Variants in MSI2 observed in about 807,000 individuals in gnomAD.
MSI2 encodes RNA-binding protein Musashi homolog 2.
In MSI2, 17 loss-of-function variants were observed where a neutral mutation model predicts 45.6. The observed-to-expected ratio is 0.37, with a 90% CI of 0.26 to 0.56. The LOEUF is 0.56. Among genes scored for constraint, MSI2 ranks in the 20% least tolerant of loss-of-function variants. MSI2 has a pLI of 0.77. For missense variants in MSI2, 293 were observed against 444.2 expected, an observed-to-expected ratio of 0.66 and a Z score of 3.06; for synonymous variants, 156 against 158.2, an observed-to-expected ratio of 0.99 and a Z score of 0.11.
chr17:57,648,337 G>A (rs1419458993), intron 10 of MSI2, among the ~76,000 whole-genome samples: 1 of 152,158 alleles, frequency 6.6e-6, no homozygotes, highest in Non-Finnish European at 1.5e-5. Flanking sequence ...TCACTGCCAG[G>A]CATTCATCTA....
chr17:57,687,154 C>T (rs1913902357), downstream of MSI2, among the ~76,000 whole-genome samples: 4 of 151,068 alleles, frequency 2.6e-5, no homozygotes, highest in African/African-American at 9.8e-5. Context: ...AGAAAACACA[C>T]ATTATACCCA....
At chr17:57,273,010 C>G (rs1908511038) in intron 5 of MSI2, among the ~76,000 whole-genome samples, 1 of 152,150 alleles carries the variant, frequency 6.6e-6, no homozygotes, top group Non-Finnish European at 1.5e-5. Context: ...TTTCAACTTT[C>G]AGATATACTA....
At chr17:57,624,765 C>T (rs1280599590) in intron 9 of MSI2, among the ~76,000 whole-genome samples, 1 of 152,202 alleles carries the variant, frequency 6.6e-6, no homozygotes, top group African/African-American at 2.4e-5. Context: ...AAAGGAGCCA[C>T]AGCTGGTCTC....
chr17:57,507,781 C>CAAACAACAAGACAGAGGGTG (rs1264866230), intron 6 of MSI2, among the ~76,000 whole-genome samples: 1 of 152,108 alleles, frequency 6.6e-6, no homozygotes, highest in Non-Finnish European at 1.5e-5. Flanking sequence ...GTGTATTTGT[C>CAAACAACAAGACAGAGGGTG]TATCAAACAA....
chr17:57,701,408 A>T, the MSI2 span, among the ~76,000 whole-genome samples: 4 of 152,156 alleles, frequency 2.6e-5, no homozygotes, highest in Non-Finnish European at 5.9e-5. Flanking sequence ...GCCCTTATAA[A>T]AGAAATTCCA....
At chr17:57,637,776 C>T (rs1268789933) in intron 10 of MSI2, among the ~76,000 whole-genome samples, 1 of 152,338 alleles carries the variant, frequency 6.6e-6, no homozygotes, top group African/African-American at 2.4e-5. Flanking sequence ...GAAGGCAACC[C>T]GGCCCAAGGA....
intron 8 of MSI2, among the ~76,000 whole-genome samples, chr17:57,614,533 G>A (rs1407023964): frequency 3.3e-5 from 5 of 152,072 alleles, no homozygotes; most frequent in African/African-American, 1.2e-4. Context: ...TAAGATACCT[G>A]TTTCTTGTCT....
Position 57,541,478 on chromosome 17 carries a change from A to G in MSI2, c.454+11754A>G, listed in dbSNP as rs200715042. 8.5e-5 allele frequency among the ~76,000 whole-genome samples: 13 copies of G among 152,346 alleles called. No individual in the cohort carries two copies. In the East Asian group the frequency reaches 2.5e-3, roughly 29 times the overall value. On this transcript the variant is annotated intron_variant, in intron 7 of 13. Transcript: ENST00000284073. ...TGCCTCCTTTCTATCCTGAAAAAAA[A>G]TAAGAAAACAGCAAGACAACACTGA...
chr17:57,580,091 G>C (rs1479008065), intron 7 of MSI2, among the ~76,000 whole-genome samples: 1 of 152,034 alleles, frequency 6.6e-6, no homozygotes, highest in Non-Finnish European at 1.5e-5. Flanking sequence ...ATAGAACCAG[G>C]TGACCAGCTG....
chr17:57,496,137 C>A (rs1017076263), intron 6 of MSI2, among the ~76,000 whole-genome samples: 3 of 152,166 alleles, frequency 2.0e-5, no homozygotes, highest in African/African-American at 7.2e-5. Flanking sequence ...ATTATTGTCG[C>A]TTGTGTCATT....
chr17:57,617,373 G>A (rs1346459832), intron 9 of MSI2, among the ~76,000 whole-genome samples: 1 of 152,148 alleles, frequency 6.6e-6, no homozygotes, highest in Admixed American at 6.5e-5. Flanking sequence ...AAAGAGGAAT[G>A]AGAAAAGACC....
At chr17:57,666,475 C>G (rs1912377398) in intron 11 of MSI2, among the ~76,000 whole-genome samples, 1 of 152,236 alleles carries the variant, frequency 6.6e-6, no homozygotes, top group Non-Finnish European at 1.5e-5. Context: ...GAACTTTGTG[C>G]TTCTTGCCTC....
downstream of MSI2, among the ~76,000 whole-genome samples, chr17:57,686,930 C>T (rs1481062867): frequency 6.6e-6 from 1 of 151,984 alleles, no homozygotes; most frequent in Non-Finnish European, 1.5e-5. Context: ...GATCTGATGG[C>T]TCTTCGAATA....
chr17:57,497,782 C>T (rs1192643539), intron 6 of MSI2, among the ~76,000 whole-genome samples: 1 of 152,146 alleles, frequency 6.6e-6, no homozygotes, highest in Non-Finnish European at 1.5e-5. Context: ...CTGATGCACA[C>T]GCAGGTAGTT....
intron 6 of MSI2, among the ~76,000 whole-genome samples, chr17:57,480,605 C>T (rs2085629695): frequency 6.6e-6 from 1 of 152,176 alleles, no homozygotes; most frequent in Admixed American, 6.5e-5. Flanking sequence ...ACTTAACAGG[C>T]CTACCTCTGC....
chr17:57,401,494 T>G, intron 6 of MSI2, 23 bp downstream of exon 6: 1 of 1,596,508 alleles, frequency 6.3e-7, no homozygotes, highest in Non-Finnish European at 8.6e-7. Flanking sequence ...TGGGGTTGGA[T>G]GGCACATGCC....
intron 6 of MSI2, among the ~76,000 whole-genome samples, chr17:57,406,268 A>C (rs978782892): frequency 2.0e-5 from 3 of 152,138 alleles, no homozygotes; most frequent in Non-Finnish European, 2.9e-5. Context: ...CCTGTTCTGC[A>C]CTGTTCTCCC....
the MSI2 span, among the ~76,000 whole-genome samples, chr17:57,692,190 A>G: frequency 1.3e-5 from 2 of 152,334 alleles, no homozygotes; most frequent in Admixed American, 1.3e-4. Flanking sequence ...TTGCATTCCC[A>G]GTATAAGCCC....
At chr17:57,538,899 A>G (rs2086980182) in intron 7 of MSI2, among the ~76,000 whole-genome samples, 1 of 152,158 alleles carries the variant, frequency 6.6e-6, no homozygotes, top group Non-Finnish European at 1.5e-5. Context: ...TGGGCAACTT[A>G]CTTATCTTCT....
Sources: gnomAD v4.1 joint callset for allele counts (sites outside exome capture counted in the v4.1 genomes callset) on GRCh38, gnomAD v4.1.1 for gene constraint, MANE v1.5 for transcripts, NCBI Gene and HGNC (gene_info 2026-07-23, HGNC 2026-07-21) for gene names.